Variants in TLCD4 observed in about 807,000 individuals in gnomAD.
TLCD4 encodes the protein TLC domain containing 4.
In TLCD4, 7 loss-of-function variants were observed where a neutral mutation model predicts 24.2. The ratio of observed to expected loss-of-function variants is 0.29; its 90% CI spans 0.16 to 0.54. The LOEUF (loss-of-function observed/expected upper bound fraction) is 0.54. Ranked by LOEUF, TLCD4 falls within the 20% of genes least tolerant of loss-of-function variation. The pLI, the probability that TLCD4 is intolerant of heterozygous loss-of-function variation, is 0.95. For missense variants in TLCD4, 259 were observed against 313.9 expected, an observed-to-expected ratio of 0.82 and a Z score of 1.32; for synonymous variants, 103 against 106.4, an observed-to-expected ratio of 0.97 and a Z score of 0.20.
rs1288932683 is a variant in TLCD4, at chr1:95,167,642, T to G, written c.400-6174T>G. 2.0e-5 allele frequency among the ~76,000 whole-genome samples: 3 copies of G among 152,116 alleles called. No homozygotes were observed. In the South Asian group the frequency reaches 6.2e-4, roughly 32 times the overall value. On this transcript the variant is annotated intron_variant, in intron 5 of 6. Coordinates refer to ENST00000370203, the MANE Select transcript of TLCD4 (RefSeq NM_152487.3). ...GGCATAAAACCGCTCGTGGCTTGGA[T>G]AGAATCCAAGGCTCCTGGCTCTGGA...
At chr1:95,126,998 G>A (rs10782998) in intron 1 of TLCD4, among the ~76,000 whole-genome samples, 149,429 of 152,320 alleles carry the variant, frequency 0.98, 73,358 homozygotes, top group East Asian at 1. Flanking sequence ...ACAGGTGACT[G>A]CATGTACTAG....
chr1:95,138,973 A>G (rs894178046), intron 1 of TLCD4, among the ~76,000 whole-genome samples: 1 of 146,490 alleles, frequency 6.8e-6, no homozygotes, highest in African/African-American at 2.5e-5. Context: ...GGATCACTTG[A>G]GGCCAGGACT....
chr1:95,159,417 C>T (rs1228691913), intron 5 of TLCD4, among the ~76,000 whole-genome samples: 9 of 152,142 alleles, frequency 5.9e-5, no homozygotes, highest in African/African-American at 1.9e-4. Context: ...AGCCCTTTGT[C>T]AGATGGGTAG....
In TLCD4 at chr1:95,192,125, A is replaced by G. The variant is rs1018644556; in HGVS notation, c.*257A>G. On this transcript the variant is annotated 3_prime_UTR_variant, in exon 7 of 7. Coordinates refer to ENST00000370203, the MANE Select transcript of TLCD4 (RefSeq NM_152487.3). ...AGCTTGGCCAACATGGTGAAACCTCATCTCTACTAAAAATACAAAAAAAAG... is the reference window on the plus strand; with the variant it reads ...AGCTTGGCCAACATGGTGAAACCTCGTCTCTACTAAAAATACAAAAAAAAG... 2 of 558,646 alleles carry G rather than the reference A, an allele frequency of 3.6e-6. No individual in the cohort carries two copies. The highest frequency in any genetic ancestry group is 2.0e-5 in the African/African-American group (1 of 50,602). The allele number at this position is 558,646 out of a possible 1,614,324, so 34.6% of individuals were successfully genotyped here.
At chr1:95,174,555 G>A (rs1328179548) in intron 6 of TLCD4, among the ~76,000 whole-genome samples, 5 of 151,270 alleles carry the variant, frequency 3.3e-5, no homozygotes, top group African/African-American at 2.4e-5. Context: ...GGGCACGATG[G>A]TGCTTGCCTG....
At chr1:95,155,015 T>C (rs6701028) in intron 5 of TLCD4, among the ~76,000 whole-genome samples, 48,877 of 150,030 alleles carry the variant, frequency 0.33, 9,680 homozygotes, top group East Asian at 0.62. Flanking sequence ...TAGTGTAGTG[T>C]AGTGCAGTGC....
chr1:95,182,972 G>T (rs975072834), intron 6 of TLCD4, among the ~76,000 whole-genome samples: 1 of 152,132 alleles, frequency 6.6e-6, no homozygotes, highest in African/African-American at 2.4e-5. Context: ...GGGGTAGGGT[G>T]GATAGATGTA....
At chr1:95,108,053 G>T in the TLCD4 span, among the ~76,000 whole-genome samples, 8 of 152,090 alleles carry the variant, frequency 5.3e-5, no homozygotes, top group African/African-American at 1.9e-4. Context: ...ATGTGTAAAG[G>T]TCCTTTATTT....
upstream of TLCD4, among the ~76,000 whole-genome samples, chr1:95,114,780 GGCACCACTGCACTCCA>G (rs1676397459): frequency 1.3e-5 from 2 of 151,846 alleles, no homozygotes; most frequent in South Asian, 4.2e-4. Context: ...GATCCGAGAT[GGCACCACTGCACTCCA>G]GCCTGGGCAA....
chr1:95,148,570 C>A, intron 2 of TLCD4, 132 bp from the exon 3 acceptor site: 1 of 1,202,732 alleles, frequency 8.3e-7, no homozygotes, highest in Non-Finnish European at 1.1e-6. Flanking sequence ...TTGCATTATA[C>A]TCTCCGTTAT....
At chr1:95,139,174 C>CAAAA (rs71097248) in intron 1 of TLCD4, among the ~76,000 whole-genome samples, 1 of 76,808 alleles carries the variant, frequency 1.3e-5, no homozygotes, top group Non-Finnish European at 2.7e-5. Context: ...GAACCTGTGT[C>CAAAA]AAAAAAAAAA....
At chr1:95,137,696 C>T (rs745788883) in intron 1 of TLCD4, among the ~76,000 whole-genome samples, 1 of 151,982 alleles carries the variant, frequency 6.6e-6, no homozygotes, top group South Asian at 2.1e-4. Flanking sequence ...CTTCTTTCCT[C>T]CTCCTCTTCT....
chr1:95,167,354 G>A (rs1678052480), intron 5 of TLCD4, among the ~76,000 whole-genome samples: 1 of 152,088 alleles, frequency 6.6e-6, no homozygotes, highest in Admixed American at 6.6e-5. Flanking sequence ...ATAATAATTT[G>A]CTCAAATAGA....
chr1:95,160,837 T>TC (rs1270454454), intron 5 of TLCD4, among the ~76,000 whole-genome samples: 2 of 152,258 alleles, frequency 1.3e-5, no homozygotes, highest in Non-Finnish European at 2.9e-5. Context: ...CAGCCTTGTA[T>TC]CCCACTGATG....
At chr1:95,162,403 G>A (rs538152016) in intron 5 of TLCD4, among the ~76,000 whole-genome samples, 4 of 145,392 alleles carry the variant, frequency 2.8e-5, no homozygotes, top group African/African-American at 9.7e-5. Flanking sequence ...GTCTTTGCAT[G>A]TGAGATGGGT....
intron 2 of TLCD4, among the ~76,000 whole-genome samples, chr1:95,146,693 T>C (rs1181977556): frequency 6.6e-6 from 1 of 152,164 alleles, no homozygotes; most frequent in Non-Finnish European, 1.5e-5. Context: ...AACTATAGTA[T>C]AGACTTTTAA....
Position 95,191,907 on chromosome 1 carries a change from C to G in TLCD4, c.*39C>G. ...ATAAGCAAACTTCATTACTACCCAG[C>G]ATATCTGCTGATAGGATGAATTCTT... On this transcript the variant is annotated 3_prime_UTR_variant, in exon 7 of 7. Coordinates refer to ENST00000370203, the MANE Select transcript of TLCD4 (RefSeq NM_152487.3). 6.3e-7 allele frequency: 1 copy of G among 1,580,820 alleles called. No homozygotes were observed. The highest frequency in any genetic ancestry group is 8.6e-7 in the Non-Finnish European group (1 of 1,165,328).
intron 5 of TLCD4, among the ~76,000 whole-genome samples, chr1:95,168,510 C>T (rs1414902): frequency 1.4e-5 from 2 of 141,312 alleles, no homozygotes; most frequent in Non-Finnish European, 3.1e-5. Flanking sequence ...AGATTAAAAT[C>T]TGGATGGCTT....
At chr1:95,187,689 C>T (rs1015143839) in intron 6 of TLCD4, among the ~76,000 whole-genome samples, 14 of 152,260 alleles carry the variant, frequency 9.2e-5, no homozygotes, top group African/African-American at 3.4e-4. Flanking sequence ...TTACACCTGC[C>T]CTCCCCCTGC....
Sources: gnomAD v4.1 joint callset for allele counts (sites outside exome capture counted in the v4.1 genomes callset) on GRCh38, gnomAD v4.1.1 for gene constraint, MANE v1.5 for transcripts, NCBI Gene and HGNC (gene_info 2026-07-23, HGNC 2026-07-21) for gene names.